Variants in CYP4F11 observed in about 807,000 individuals in gnomAD.
CYP4F11 encodes cytochrome P450 family 4 subfamily F member 11.
In CYP4F11, 79 loss-of-function variants were observed where a neutral mutation model predicts 62.2. The observed-to-expected ratio is 1.27, with a 90% CI of 1.06 to 1.53. The LOEUF is 1.53. Among genes scored for constraint, CYP4F11 ranks in the 40% most tolerant of loss-of-function variants. The probability of loss-of-function intolerance (pLI) is 0.00; values close to 1 mark genes in which losing one functional copy is unlikely to be tolerated. For synonymous variants in CYP4F11, 290 were observed against 263.7 expected (o/e 1.10, Z -0.97); for missense variants, 777 against 680.5 (o/e 1.14, Z -1.58).
At chr19:15,929,312 A>G (rs1204618502) in intron 2 of CYP4F11, 145 bp downstream of exon 2, 1 of 1,107,742 alleles carries the variant, frequency 9.0e-7, no homozygotes, top group Non-Finnish European at 1.3e-6. Context: ...TCGTGAATAC[A>G]TGAAGGAAAG....
In CYP4F11 at chr19:15,921,886, C is replaced by T. The variant is rs563525619; in HGVS notation, c.1115+151G>A. 10 of 961,802 alleles carry T rather than the reference C, an allele frequency of 1.0e-5. No homozygotes were observed. In the East Asian group the frequency reaches 2.2e-4, roughly 21 times the overall value. 59.6% of individuals were successfully genotyped at this position (961,802 alleles called of 1,614,324 possible). On this transcript the variant is annotated intron_variant, in intron 8 of 11. Coordinates refer to ENST00000402119, the MANE Select transcript of CYP4F11 (RefSeq NM_021187.4). The stretch of plus-strand genomic sequence containing the variant: ...AGCCTGCAAACCATCCCCTGCTGGC[C>T]TGGCTGTGTATTAAGCCCTGCCTCT...
Position 15,914,832 on chromosome 19 carries a change from G to A in CYP4F11, c.1179C>T (p.Pro393=). The change falls in exon 9 of 12, where the codon CCC becomes CCT. Residue 393 remains proline (P), a synonymous_variant. Coordinates refer to ENST00000402119, the MANE Select transcript of CYP4F11 (RefSeq NM_021187.4). ...MCIKESLRLH[P]PVPVISRCCT... is the part of the protein sequence containing the mutation. ...AACATCGGGAGATGACCGGGACTGG[G>A]GGATGCAACCGCAGGCTCTCCTTAA... is the stretch of plus-strand genomic sequence containing the variant. The A allele has an allele frequency of 1.2e-6, 2 of 1,614,172 alleles. No individual in the cohort carries two copies. Among genetic ancestry groups the A allele is most frequent in the Non-Finnish European group, 1.7e-6 (2 of 1,180,030 alleles).
chr19:15,912,805 T>TATATACACAC lies in CYP4F11; in HGVS notation c.*926_*927insGTGTGTATAT, dbSNP rs1183276800. ...TATATATATAATATATATATATATA[T>TATATACACAC]ACATATCTTATATGCACAGCCCTCT... is the stretch of plus-strand genomic sequence containing the variant. On this transcript the variant is annotated 3_prime_UTR_variant, in exon 12 of 12. Transcript: ENST00000402119. 8.9e-5 allele frequency: 9 copies of TATATACACAC among 101,252 alleles called. No homozygotes were observed. The highest frequency in any genetic ancestry group is 3.8e-4 in the African/African-American group (9 of 23,392). 6.3% of individuals were successfully genotyped at this position (101,252 alleles called of 1,614,324 possible).
At chr19:15,923,770 T>C (rs767834906) in intron 6 of CYP4F11, 42 bp downstream of exon 6, 1 of 1,584,834 alleles carries the variant, frequency 6.3e-7, no homozygotes, top group South Asian at 1.1e-5. Context: ...GAGGCATAAA[T>C]CTCCACTCTA....
At position 15,926,089 on chromosome 19, in the gene CYP4F11, G is replaced by A. The variant is rs1421345044; in HGVS notation, c.525+1123C>T. On this transcript the variant is annotated intron_variant, in intron 4 of 11. Coordinates refer to ENST00000402119, the MANE Select transcript of CYP4F11 (RefSeq NM_021187.4). ...TGATGCAGGACAATGGCGTGAACCC[G>A]GGAGGTGGAGCTTGCAGTGAGCAGA... Among the ~76,000 whole-genome samples, 4 of 151,546 alleles carry A rather than the reference G, an allele frequency of 2.6e-5. 1 individual carries two copies. The highest frequency in any genetic ancestry group is 4.2e-4 in the South Asian group (2 of 4,764).
chr19:15,923,197 A>G (rs1468271627), intron 6 of CYP4F11, among the ~76,000 whole-genome samples: 1 of 148,548 alleles, frequency 6.7e-6, no homozygotes, highest in Non-Finnish European at 1.5e-5. Flanking sequence ...TGTCGATCTC[A>G]CTGGAAAGGA....
At chr19:15,928,213 A>T (rs1166340505) in intron 2 of CYP4F11, 1 of 152,226 alleles carries the variant, frequency 6.6e-6, no homozygotes, top group Non-Finnish European at 1.5e-5. Flanking sequence ...ACTACATCTC[A>T]GACAAGAACC....
intron 2 of CYP4F11, 72 bp from the exon 3 acceptor site, chr19:15,927,555 C>G (rs2305804): frequency 0.15 from 234,673 of 1,598,960 alleles, 18,634 homozygotes; most frequent in South Asian, 0.27. Flanking sequence ...GAGGAATGCT[C>G]CCAGCCAGGG....
chr19:15,931,661 C>T (rs374890560), intron 1 of CYP4F11, among the ~76,000 whole-genome samples: 439 of 22,074 alleles, frequency 0.02, 9 homozygotes, highest in East Asian at 0.023. Flanking sequence ...AATGAGTGAG[C>T]GAGGAGAGGA....
At chr19:15,916,174 G>C (rs1231824900) in intron 8 of CYP4F11, among the ~76,000 whole-genome samples, 2 of 152,052 alleles carry the variant, frequency 1.3e-5, no homozygotes, top group African/African-American at 4.8e-5. Flanking sequence ...TCAATATTAT[G>C]ATGTTACCTG....
At chr19:15,924,942 A>T (rs1193668411) in intron 4 of CYP4F11, 60 bp from the exon 5 acceptor site, 4 of 1,549,134 alleles carry the variant, frequency 2.6e-6, no homozygotes, top group South Asian at 1.2e-5. Flanking sequence ...ACCTTCCCAG[A>T]CCCAAACATC....
In CYP4F11 at chr19:15,934,145, C is replaced by G. The variant is rs563349582; in HGVS notation, c.198+66G>C. 3.8e-6 allele frequency: 6 copies of G among 1,560,114 alleles called. No individual in the cohort carries two copies. In the South Asian group the frequency reaches 5.7e-5, roughly 15 times the overall value. On this transcript the variant is annotated intron_variant, in intron 1 of 11. Transcript: ENST00000402119. ...CCCTCAAAACCCAGCTCCCTGAGCC[C>G]CATTCCTGCCCCTCAGGAACTCCAT...
At chr19:15,926,748 C>G (rs766001586) in intron 4 of CYP4F11, among the ~76,000 whole-genome samples, 2 of 152,218 alleles carry the variant, frequency 1.3e-5, no homozygotes, top group Non-Finnish European at 2.9e-5. Context: ...AAGCCCCAAA[C>G]AAACATGTGA....
intron 8 of CYP4F11, 25 bp downstream of exon 8, chr19:15,922,012 G>C: frequency 6.5e-7 from 1 of 1,546,502 alleles, no homozygotes; most frequent in East Asian, 2.3e-5. Flanking sequence ...CAAAAGATCA[G>C]GAACAGGCCA....
chr19:15,931,490 G>A (rs2089715479), intron 1 of CYP4F11, among the ~76,000 whole-genome samples: 1 of 151,846 alleles, frequency 6.6e-6, no homozygotes, highest in African/African-American at 2.4e-5. Flanking sequence ...TGGAGTGGGA[G>A]GACAGGGAGG....
At chr19:15,921,714 C>G (rs1176326762) in intron 8 of CYP4F11, among the ~76,000 whole-genome samples, 1 of 152,142 alleles carries the variant, frequency 6.6e-6, no homozygotes, top group Non-Finnish European at 1.5e-5. Context: ...GAAGAGCAAA[C>G]ATTCAGAAAG....
intron 2 of CYP4F11, 110 bp from the exon 3 acceptor site, chr19:15,927,593 C>G (rs2089680579): frequency 3.4e-6 from 5 of 1,454,978 alleles, no homozygotes; most frequent in South Asian, 1.2e-5. Context: ...TCCCACCCAG[C>G]ATAGCAGGAA....
rs547516275 is a variant in CYP4F11 at position 15,926,938 on chromosome 19, C to T, written c.525+274G>A. Reference sequence around the variant, plus strand: ...GGCGGTTTGTACTCAGCAATTGCTACTATGCAATCTTGATCTTTACTCTCT... The same window carrying T: ...GGCGGTTTGTACTCAGCAATTGCTATTATGCAATCTTGATCTTTACTCTCT... On this transcript the variant is annotated intron_variant, in intron 4 of 11. Coordinates refer to ENST00000402119, the MANE Select transcript of CYP4F11 (RefSeq NM_021187.4). 5.9e-4 allele frequency among the ~76,000 whole-genome samples: 90 copies of T among 152,332 alleles called. No individual in the cohort carries two copies. The South Asian group carries it at 0.016, about 27-fold the overall frequency.
chr19:15,918,204 C>T (rs1450649161), intron 8 of CYP4F11, among the ~76,000 whole-genome samples: 1 of 152,140 alleles, frequency 6.6e-6, no homozygotes, highest in Non-Finnish European at 1.5e-5. Context: ...CCAAACACCA[C>T]ATGTCCTCAC....
Sources: allele counts gnomAD v4.1 joint callset (sites outside exome capture counted in the v4.1 genomes callset), GRCh38; gene constraint gnomAD v4.1.1; transcripts MANE v1.5; gene names NCBI Gene and HGNC (gene_info 2026-07-23, HGNC 2026-07-21).